CDH3: variants seen among roughly 807,000 people sequenced by gnomAD.
CDH3 encodes cadherin-3.
A neutral mutation model predicts 82.0 loss-of-function variants in CDH3; 54 were observed. The ratio of observed to expected loss-of-function variants is 0.66; its 90% CI spans 0.53 to 0.83. The LOEUF is 0.83. CDH3 is among the 40% of genes least tolerant of loss of function. The probability of loss-of-function intolerance (pLI) is 0.00; values close to 1 mark genes in which losing one functional copy is unlikely to be tolerated. For synonymous variants in CDH3, 446 were observed against 437.9 expected, an observed-to-expected ratio of 1.02 and a Z score of -0.23; for missense variants, 1,054 against 1,084.6, an observed-to-expected ratio of 0.97 and a Z score of 0.40.
intron 3 of CDH3, among the ~76,000 whole-genome samples, 197 bp downstream of exon 3, chr16:68,676,667 C>A (rs2152099246): frequency 6.6e-6 from 1 of 152,316 alleles, no homozygotes; most frequent in South Asian, 2.1e-4. Flanking sequence ...AGCTACCCAA[C>A]AGTGGTGCCT....
intron 2 of CDH3, among the ~76,000 whole-genome samples, chr16:68,668,781 C>T (rs530669196): frequency 7.9e-5 from 12 of 152,242 alleles, no homozygotes; most frequent in African/African-American, 2.6e-4. Context: ...GAGAATTTTT[C>T]GATGGTATAC....
chr16:68,673,420 C>T (rs923935724), intron 2 of CDH3, among the ~76,000 whole-genome samples: 11 of 151,984 alleles, frequency 7.2e-5, no homozygotes, highest in Admixed American at 7.2e-4. Context: ...ACTCATTAGG[C>T]ATTAGGTAGT....
chr16:68,692,591 A>C (rs1050018379), intron 13 of CDH3, among the ~76,000 whole-genome samples: 1 of 152,186 alleles, frequency 6.6e-6, no homozygotes, highest in East Asian at 1.9e-4. Context: ...AAATTTAGGA[A>C]TAGAACCCAG....
rs767947004 is a variant in CDH3, at chr16:68,678,298, G to C, written c.390+21G>C. Reference sequence around the variant, plus strand: ...ATCAGGTACGACTGTGCCTTCTCCTGGGAAGCATTGGTGGCTCCAGGGACC... The same window carrying C: ...ATCAGGTACGACTGTGCCTTCTCCTCGGAAGCATTGGTGGCTCCAGGGACC... On this transcript the variant is annotated intron_variant, in intron 4 of 15. Transcript: ENST00000264012. 3 of 1,613,930 alleles carry C rather than the reference G, an allele frequency of 1.9e-6. No homozygotes were observed. The South Asian group carries it at 3.3e-5, about 18-fold the overall frequency.
At chr16:68,695,546 T>C (rs1174003020) in intron 14 of CDH3, among the ~76,000 whole-genome samples, 161 bp downstream of exon 14, 2 of 152,220 alleles carry the variant, frequency 1.3e-5, no homozygotes, top group Non-Finnish European at 2.9e-5. Flanking sequence ...TCTGGTCCAT[T>C]GCTGTAGTCT....
At position 68,685,346 on chromosome 16, in the gene CDH3, C is replaced by T. The variant is rs560157391; in HGVS notation, c.1566C>T (p.Asp522=). ...NIYEVMVLAM[D]NGSPPTTGTG... ...ATGAAGTCATGGTCTTGGCCATGGA[C>T]AATGGTGAGAGCATCCTCCCAGCCC... is the stretch of plus-strand genomic sequence containing the variant. Residue 522 remains aspartate (D), a synonymous_variant, in exon 11 of 16, where the codon GAC becomes GAT. Coordinates refer to ENST00000264012, the MANE Select transcript of CDH3 (RefSeq NM_001793.6). The T allele has an allele frequency of 1.2e-6, 2 of 1,613,982 alleles. No homozygotes were observed. The highest frequency in any genetic ancestry group is 2.2e-5 in the East Asian group (1 of 44,876).
At chr16:68,673,018 C>G (rs1451039550) in intron 2 of CDH3, among the ~76,000 whole-genome samples, 1 of 152,214 alleles carries the variant, frequency 6.6e-6, no homozygotes, top group African/African-American at 2.4e-5. Flanking sequence ...GCTTCATTCA[C>G]TTCATTATGT....
chr16:68,647,675 C>T (rs1960116788), intron 2 of CDH3, among the ~76,000 whole-genome samples: 2 of 152,100 alleles, frequency 1.3e-5, no homozygotes. Flanking sequence ...AGTAAAAGTG[C>T]ATTTCTTGGT....
At chr16:68,705,830 C>T (rs1047076624) in intron 1 of CDH3, among the ~76,000 whole-genome samples, 1 of 151,492 alleles carries the variant, frequency 6.6e-6, no homozygotes, top group Non-Finnish European at 1.5e-5. Context: ...CTTTGGGAGG[C>T]CAAGGCAGGT....
intron 2 of CDH3, among the ~76,000 whole-genome samples, chr16:68,650,414 T>C (rs1227282745): frequency 1.3e-5 from 2 of 152,164 alleles, no homozygotes. Flanking sequence ...GAGTGATTTT[T>C]CTGCTTCAGC....
chr16:68,717,181 C>G, intron 1 of CDH3, among the ~76,000 whole-genome samples: 1 of 151,808 alleles, frequency 6.6e-6, no homozygotes, highest in East Asian at 1.9e-4. Context: ...TATTGCAGAT[C>G]TTTATTACTT....
intron 2 of CDH3, among the ~76,000 whole-genome samples, chr16:68,659,457 C>G (rs1196086096): frequency 6.6e-6 from 1 of 151,916 alleles, no homozygotes; most frequent in Non-Finnish European, 1.5e-5. Flanking sequence ...GTAGTCCCAT[C>G]TACTCTACTC....
chr16:68,716,662 G>A (rs1285250764), intron 1 of CDH3, among the ~76,000 whole-genome samples: 3 of 149,588 alleles, frequency 2.0e-5, no homozygotes, highest in Non-Finnish European at 4.4e-5. Flanking sequence ...ACTGATAACA[G>A]TAGTTGCCTC....
At chr16:68,711,624 G>C (rs2152110133) in intron 1 of CDH3, among the ~76,000 whole-genome samples, 1 of 152,326 alleles carries the variant, frequency 6.6e-6, no homozygotes, top group Non-Finnish European at 1.5e-5. Context: ...GTGGCCAGCA[G>C]CTGGAGAGGA....
In CDH3 at chr16:68,698,978, G is replaced by A. The variant is rs974042281; in HGVS notation, c.*578G>A. 5 of 155,224 alleles carry A rather than the reference G, an allele frequency of 3.2e-5. No individual in the cohort carries two copies. Among genetic ancestry groups the A allele is most frequent in the African/African-American group, 1.2e-4 (5 of 41,440 alleles). 9.6% of individuals were successfully genotyped at this position (155,224 alleles called of 1,614,324 possible). On this transcript the variant is annotated 3_prime_UTR_variant, in exon 16 of 16. Transcript: ENST00000264012. Reference sequence around the variant, plus strand: ...TTTTCCCTGTTGCGTTGCTATAGATGAAGGGTGAGGACAATCGTGTATATG... The same window carrying A: ...TTTTCCCTGTTGCGTTGCTATAGATAAAGGGTGAGGACAATCGTGTATATG...
At chr16:68,650,444 G>A (rs537849072) in intron 2 of CDH3, among the ~76,000 whole-genome samples, 2 of 152,126 alleles carry the variant, frequency 1.3e-5, no homozygotes, top group African/African-American at 4.8e-5. Context: ...AACTGGTACA[G>A]GCATGCGCCA....
chr16:68,690,877 A>G (rs1176871609), intron 12 of CDH3, among the ~76,000 whole-genome samples: 2 of 152,130 alleles, frequency 1.3e-5, no homozygotes, highest in African/African-American at 4.8e-5. Context: ...ACTGCTCTCT[A>G]GTCTGGGTGA....
chr16:68,669,841 A>G (rs916458969), intron 2 of CDH3, among the ~76,000 whole-genome samples: 1 of 152,132 alleles, frequency 6.6e-6, no homozygotes, highest in Non-Finnish European at 1.5e-5. Context: ...AAAAGTGGCC[A>G]GGCACAGTGG....
At chr16:68,700,601 C>T (rs1380640152), downstream of CDH3, among the ~76,000 whole-genome samples, 1 of 152,178 alleles carries the variant, frequency 6.6e-6, no homozygotes, top group Non-Finnish European at 1.5e-5. Flanking sequence ...GTCAGGGGTT[C>T]GAGACCAGCC....
Sources: gnomAD v4.1 joint callset for allele counts (sites outside exome capture counted in the v4.1 genomes callset) on GRCh38, gnomAD v4.1.1 for gene constraint, MANE v1.5 for transcripts, NCBI Gene and HGNC (gene_info 2026-07-23, HGNC 2026-07-21) for gene names.